Variants in RFX1 observed in about 807,000 individuals in gnomAD.
RFX1 encodes the protein regulatory factor X1, also known as MHC class II regulatory factor RFX1.
Under a neutral mutation model 119.6 loss-of-function variants are expected in RFX1, and 42 were observed. The ratio of observed to expected loss-of-function variants is 0.35; its 90% confidence interval spans 0.27 to 0.45. The LOEUF is 0.45. Ranked by LOEUF, RFX1 falls within the 20% of genes least tolerant of loss-of-function variation. RFX1 has a pLI of 1.00. For missense variants in RFX1, 1,118 were observed against 1,368.1 expected (o/e 0.82, Z 2.88); for synonymous variants, 628 against 618.5 (o/e 1.02, Z -0.23).
intron 9 of RFX1, among the ~76,000 whole-genome samples, chr19:13,971,707 CAAA>C (rs1173110559): frequency 6.6e-6 from 1 of 151,798 alleles, no homozygotes; most frequent in Non-Finnish European, 1.5e-5. Flanking sequence ...CCTGTCTCTA[CAAA>C]AAAAATTTTT....
chr19:13,963,012 G>A lies in RFX1; in HGVS notation c.2752C>T (p.Pro918Ser). 6.4e-7 allele frequency: 1 copy of A among 1,553,410 alleles called. No homozygotes were observed. The change falls in exon 20 of 21, where the codon CCC becomes TCC. Residue 918 changes from proline to serine, a missense_variant. Around this residue, in one of 5 missense-constraint regions of RFX1, gnomAD observed 138 missense variants for 117.8 expected, o/e 1.17. Transcript: ENST00000254325. ...CGCCTACCTTTGTCGGGGTCCAGGG[G>A]GTTCAGGGAGGTGGCCAGATTGGCG... ...EFANLATSLN[P>S]LDPDKDEEEE... is the part of the protein sequence containing the mutation.
intron 1 of RFX1, among the ~76,000 whole-genome samples, chr19:14,004,599 T>G (rs991966872): frequency 5.9e-5 from 9 of 152,126 alleles, no homozygotes; most frequent in African/African-American, 2.2e-4. Flanking sequence ...CTGTCCTAAC[T>G]TTCAAAGAGT....
intron 16 of RFX1, among the ~76,000 whole-genome samples, chr19:13,964,617 G>A (rs1973834338): frequency 6.6e-6 from 1 of 152,122 alleles, no homozygotes; most frequent in Non-Finnish European, 1.5e-5. Flanking sequence ...GGGTAGCTGG[G>A]ATCATAGGTG....
chr19:13,978,148 T>C, intron 7 of RFX1, 62 bp from the exon 8 acceptor site: 1 of 1,293,890 alleles, frequency 7.7e-7, no homozygotes, highest in Non-Finnish European at 1.1e-6. Context: ...GTTCTCCCTC[T>C]AAAGGGCTGG....
rs74634518 is a variant in RFX1, at chr19:13,985,740, G to A, written c.320-2145C>T. On this transcript the variant is annotated intron_variant, in intron 2 of 20. Transcript: ENST00000254325. This position sits in a 1 kb window ranked among gnomAD's most constrained non-coding sequence, Gnocchi z 4.3. Reference sequence around the variant, plus strand: ...TGGGGGTCTACGGGGACCCCTCAAAGTCTGAAGTATCCAGACTGGGTCTCG... The same window carrying A: ...TGGGGGTCTACGGGGACCCCTCAAAATCTGAAGTATCCAGACTGGGTCTCG... Among the ~76,000 whole-genome samples, 842 of 152,332 alleles carry A rather than the reference G, an allele frequency of 5.5e-3. 11 individuals are homozygous for A. The highest frequency in any genetic ancestry group is 0.019 in the African/African-American group (802 of 41,584).
At position 13,962,444 on chromosome 19, in the gene RFX1, CCCGCGGGGCA is replaced by C; in HGVS notation, c.*241_*250del. ...GCGGCCAAGGGGCCGAGCTGGATGC[CCCGCGGGGCA>C]CCTGGGCACGCGGCGGGTTCCTTAA... On this transcript the variant is annotated 3_prime_UTR_variant, in exon 21 of 21. Coordinates refer to ENST00000254325, the MANE Select transcript of RFX1 (RefSeq NM_002918.5). 2.0e-6 allele frequency: 1 copy of C among 499,912 alleles called. No homozygotes were observed. The highest frequency in any genetic ancestry group is 3.5e-6 in the Non-Finnish European group (1 of 283,592). 31.0% of individuals were successfully genotyped at this position (499,912 alleles called of 1,614,324 possible). A position where few individuals can be genotyped will look rare whatever the true frequency, so the allele number is the denominator to read the frequency against.
rs1488616585 is a variant in RFX1, at chr19:13,968,638, C to T, written c.1659G>A (p.Val553=). 3 of 1,613,230 alleles carry T rather than the reference C, an allele frequency of 1.9e-6. No individual in the cohort carries two copies. The highest frequency in any genetic ancestry group is 1.7e-6 in the Non-Finnish European group (2 of 1,179,978). Reference sequence around the variant, plus strand: ...CCGTGCTCGGCTGCTGCCCCACCGCCACGCCGTTGGTCATGCCTTCCATCT... The same window carrying T: ...CCGTGCTCGGCTGCTGCCCCACCGCTACGCCGTTGGTCATGCCTTCCATCT... ...IQKMEGMTNG[V]AVGQQPSTGL... The change falls in exon 12 of 21, where the codon GTG becomes GTA. Residue 553 remains valine, a synonymous_variant. Coordinates refer to ENST00000254325, the MANE Select transcript of RFX1 (RefSeq NM_002918.5). The surrounding 1 kb of genome is among the most constrained non-coding windows in gnomAD (Gnocchi z 5.5).
chr19:13,989,838 T>C (rs1413000877), intron 2 of RFX1, among the ~76,000 whole-genome samples: 2 of 139,844 alleles, frequency 1.4e-5, no homozygotes, highest in Non-Finnish European at 1.5e-5. Flanking sequence ...TCGACCAGGA[T>C]TGGGGTCATA....
At chr19:13,982,688 C>T (rs928544547) in intron 4 of RFX1, among the ~76,000 whole-genome samples, 2 of 152,198 alleles carry the variant, frequency 1.3e-5, no homozygotes, top group Non-Finnish European at 2.9e-5. Flanking sequence ...CCTGTAGTCT[C>T]AGCTACTCAG....
intron 16 of RFX1, among the ~76,000 whole-genome samples, chr19:13,964,981 G>T (rs924398623): frequency 2.0e-5 from 3 of 152,130 alleles, no homozygotes; most frequent in Non-Finnish European, 4.4e-5. Flanking sequence ...CCCAGCGGTG[G>T]TTTTTTTGTT....
Position 13,973,085 on chromosome 19 carries a change from C to T in RFX1, c.972G>A (p.Thr324=), listed in dbSNP as rs536987591. The T allele has an allele frequency of 5.9e-5, 95 of 1,600,694 alleles. 1 individual carries two copies. Among genetic ancestry groups the T allele is most frequent in the African/African-American group, 5.7e-4 (43 of 74,788 alleles). The change falls in exon 9 of 21, where the codon ACG becomes ACA. Residue 324 remains threonine (T), a synonymous_variant. Coordinates refer to ENST00000254325, the MANE Select transcript of RFX1 (RefSeq NM_002918.5). ...TYSYPETPLY[T]QTASTSYYEA... ...CGTAGTAGCTGGTGCTTGCCGTCTG[C>T]GTGTACAGCGGCGTCTCGGGATAGG...
Position 13,993,582 on chromosome 19 carries a change from T to C in RFX1, c.262A>G (p.Thr88Ala), listed in dbSNP as rs1267037264. ...LPAVPAPSQPTGAPTPSPAPQ... is the reference protein window; with the variant it reads ...LPAVPAPSQPAGAPTPSPAPQ... ...GCAGGCGAAGGGGTGGGTGCACCGG[T>C]TGGCTGCGAGGGTGCGGGTACAGCC... Residue 88 changes from threonine (T) to alanine (A), a missense_variant, in exon 2 of 21, where the codon ACC (threonine) becomes GCC (alanine). Coordinates refer to ENST00000254325, the MANE Select transcript of RFX1 (RefSeq NM_002918.5). The C allele has an allele frequency of 3.7e-6, 6 of 1,612,828 alleles. No homozygotes were observed. Among genetic ancestry groups the C allele is most frequent in the Non-Finnish European group, 3.4e-6 (4 of 1,179,508 alleles).
At chr19:13,978,167 CAGG>C (rs1334599640) in intron 7 of RFX1, 81 bp from the exon 8 acceptor site, 4 of 1,026,586 alleles carry the variant, frequency 3.9e-6, no homozygotes. Flanking sequence ...GGTGCCCACC[CAGG>C]CTATCCCTGA....
In RFX1 at chr19:13,993,877, T is replaced by A; in HGVS notation, c.-34A>T. 2 of 198,894 alleles carry A rather than the reference T, an allele frequency of 1.0e-5. No individual in the cohort carries two copies. The highest frequency in any genetic ancestry group is 1.7e-5 in the Non-Finnish European group (2 of 116,890). The allele number at this position is 198,894 out of a possible 1,614,324, so 12.3% of individuals were successfully genotyped here. On this transcript the variant is annotated 5_prime_UTR_variant, in exon 2 of 21. The change creates a new upstream start codon in the 5' untranslated region. Transcript: ENST00000254325. ...TGGGGAAAATGATAATAAATAAGGC[T>A]TTTTTTTTTTTTTAATTCCTTGGGA...
intron 7 of RFX1, 101 bp downstream of exon 7, chr19:13,979,344 TCA>T (rs1267157570): frequency 1.4e-6 from 1 of 727,144 alleles, no homozygotes; most frequent in Non-Finnish European, 2.2e-6. Flanking sequence ...TGTCTGCAGC[TCA>T]CAGAGGCATT....
Position 13,965,401 on chromosome 19 carries a change from A to C in RFX1, c.2211+48T>G, listed in dbSNP as rs774987925. 9.8e-6 allele frequency: 15 copies of C among 1,527,260 alleles called. No homozygotes were observed. Among genetic ancestry groups the C allele is most frequent in the Non-Finnish European group, 1.3e-5 (14 of 1,105,046 alleles). The allele number at this position is 1,527,260 out of a possible 1,614,324, so 94.6% of individuals were successfully genotyped here. A position where few individuals can be genotyped will look rare whatever the true frequency, so the allele number is the denominator to read the frequency against. On this transcript the variant is annotated intron_variant, in intron 16 of 20. Transcript: ENST00000254325. This position sits in a 1 kb window ranked among gnomAD's most constrained non-coding sequence, Gnocchi z 4.7. ...CGCCCCTGGGGAGCAGAGGAGACGG[A>C]GGCCTAAGCCCCAGAGATAGGAGAA...
At chr19:13,981,114 AGG>A (rs1974418197) in intron 5 of RFX1, among the ~76,000 whole-genome samples, 1 of 152,172 alleles carries the variant, frequency 6.6e-6, no homozygotes, top group African/African-American at 2.4e-5. Flanking sequence ...GGAGGGGCAG[AGG>A]GGAAGGGACA....
In RFX1 at chr19:13,993,505, C is replaced by T; in HGVS notation, c.319+20G>A. 6.2e-7 allele frequency: 1 copy of T among 1,600,154 alleles called. No individual in the cohort carries two copies. The highest frequency in any genetic ancestry group is 8.5e-7 in the Non-Finnish European group (1 of 1,172,762). ...ACAACTCTGAGAGGAGTTTTCAGGA[C>T]ACACGAGCGCGGCACTTACCAGAGA... On this transcript the variant is annotated intron_variant, in intron 2 of 20. Transcript: ENST00000254325.
intron 4 of RFX1, 82 bp downstream of exon 4, chr19:13,983,105 A>T: frequency 9.2e-7 from 1 of 1,087,146 alleles, no homozygotes; most frequent in Admixed American, 2.1e-5. Flanking sequence ...CCTGGTGAGG[A>T]CAGATCCAGG....
Sources: gnomAD v4.1 joint callset for allele counts (sites outside exome capture counted in the v4.1 genomes callset) on GRCh38, gnomAD v4.1.1 for gene constraint, gnomAD v4.1.1 regional missense constraint, Gnocchi (gnomAD v3.1) non-coding constraint, MANE v1.5 for transcripts, NCBI Gene and HGNC (gene_info 2026-07-23, HGNC 2026-07-21) for gene names.